The following WDR43 variants were observed in gnomAD, a reference collection of about 807,000 sequenced individuals.
WDR43 encodes the protein WD repeat-containing protein 43.
Under a neutral mutation model 91.4 loss-of-function variants are expected in WDR43, and 13 were observed. That is an observed-to-expected ratio of 0.14 (90% confidence interval 0.09 to 0.23). WDR43 has a LOEUF of 0.23. WDR43 is among the 10% of genes least tolerant of loss of function. The probability of loss-of-function intolerance (pLI) is 1.00; values close to 1 mark genes in which losing one functional copy is unlikely to be tolerated. For missense variants in WDR43, 780 were observed against 809.4 expected (o/e 0.96, Z 0.44); for synonymous variants, 331 against 287.9 (o/e 1.15, Z -1.51).
At chr2:28,909,668 T>C (rs1670752397) in intron 3 of WDR43, among the ~76,000 whole-genome samples, 1 of 151,924 alleles carries the variant, frequency 6.6e-6, no homozygotes, top group South Asian at 2.1e-4. Flanking sequence ...AGCTTAGGAG[T>C]TCGAGACTGT....
chr2:28,935,694 G>T, intron 12 of WDR43, 87 bp downstream of exon 12: 1 of 754,310 alleles, frequency 1.3e-6, no homozygotes. Flanking sequence ...TTTGTAATAC[G>T]TAAGGACACA....
intron 3 of WDR43, among the ~76,000 whole-genome samples, chr2:28,908,103 T>C (rs1384265023): frequency 6.6e-6 from 1 of 152,156 alleles, no homozygotes. Flanking sequence ...ATCGCAATCA[T>C]TGAGTTGGGA....
Position 28,902,003 on chromosome 2 carries a change from A to G in WDR43, c.242A>G (p.Lys81Arg), listed in dbSNP as rs756930489. The G allele has an allele frequency of 6.3e-7, 1 of 1,592,894 alleles. No individual in the cohort carries two copies. Among genetic ancestry groups the G allele is most frequent in the Non-Finnish European group, 8.5e-7 (1 of 1,175,008 alleles). The change falls in exon 2 of 18, where the codon AAA (lysine) becomes AGA (arginine). Residue 81 changes from lysine to arginine, a missense_variant. This residue lies in a region of WDR43 where 175 missense variants were observed against 113.8 expected (regional missense o/e 1.54). Transcript: ENST00000407426. The part of the protein sequence containing the change: ...RLQAKESPQR[K>R]KRKSEAVGMS... ...TTTTTCCAGGAAAGTCCCCAGAGGA[A>G]AAAAAGGAAATCAGAAGCTGTAGGA... is the stretch of plus-strand genomic sequence containing the variant.
chr2:28,894,768 C>G lies in WDR43; in HGVS notation c.70C>G (p.His24Asp). 2 of 1,604,948 alleles carry G rather than the reference C, an allele frequency of 1.2e-6. No homozygotes were observed. Among genetic ancestry groups the G allele is most frequent in the Non-Finnish European group, 8.5e-7 (1 of 1,176,132 alleles). ...PAGVPCAFSPHSQAYFALAST... is the reference protein window; with the variant it reads ...PAGVPCAFSPDSQAYFALAST... ...TGGGGTCCCTTGCGCCTTCTCCCCG[C>G]ACAGCCAGGCCTACTTCGCTTTGGC... Residue 24 changes from histidine to aspartate, a missense_variant, in exon 1 of 18, where the codon CAC becomes GAC. Physicochemically the swap from His to Asp is moderately conservative, Grantham distance 81. Coordinates refer to ENST00000407426, the MANE Select transcript of WDR43 (RefSeq NM_015131.3).
chr2:28,894,799 C>T lies in WDR43; in HGVS notation c.101C>T (p.Thr34Ile), dbSNP rs1670440725. The change falls in exon 1 of 18, where the codon ACC becomes ATC. Residue 34 changes from threonine to isoleucine, a missense_variant. Thr to Ile is a moderately conservative substitution (Grantham distance 89). Around this residue, in one of 4 missense-constraint regions of WDR43, gnomAD observed 175 missense variants for 113.8 expected, o/e 1.54. Transcript: ENST00000407426. ...CAGGCCTACTTCGCTTTGGCCTCTACCGACGGTCACTTACGAGTATGGGAG... is the reference window on the plus strand; with the variant it reads ...CAGGCCTACTTCGCTTTGGCCTCTATCGACGGTCACTTACGAGTATGGGAG... ...HSQAYFALAS[T>I]DGHLRVWETA... The T allele has an allele frequency of 1.9e-6, 3 of 1,610,368 alleles. No individual in the cohort carries two copies. Among genetic ancestry groups the T allele is most frequent in the Middle Eastern group, 1.7e-4 (1 of 6,058 alleles).
intron 12 of WDR43, among the ~76,000 whole-genome samples, chr2:28,936,402 ACT>A (rs1558382698): frequency 2.0e-5 from 3 of 152,028 alleles, no homozygotes; most frequent in African/African-American, 7.3e-5. Context: ...GTAAGGGAAA[ACT>A]CTGTACTTAA....
chr2:28,920,587 A>C (rs1671005341), intron 6 of WDR43, among the ~76,000 whole-genome samples: 2 of 152,172 alleles, frequency 1.3e-5, no homozygotes, highest in Non-Finnish European at 2.9e-5. Flanking sequence ...CTTTAAGTCT[A>C]AATACAAGTA....
rs757582289 is a variant in WDR43 at position 28,928,676 on chromosome 2, TTTTG to T, written c.1306-887_1306-884del. Among the ~76,000 whole-genome samples the T allele has an allele frequency of 6.6e-5, 10 of 152,168 alleles. No individual in the cohort carries two copies. In the East Asian group the frequency reaches 1.2e-3, roughly 18 times the overall value. ...TACAATTGAGGGTGTTTGTTGTTGT[TTTTG>T]TTTGTTTGTTTGTTTTTTGGAGATA... On this transcript the variant is annotated intron_variant, in intron 10 of 17. Coordinates refer to ENST00000407426, the MANE Select transcript of WDR43 (RefSeq NM_015131.3).
At chr2:28,907,039 G>A (rs1670694213) in intron 3 of WDR43, among the ~76,000 whole-genome samples, 1 of 152,172 alleles carries the variant, frequency 6.6e-6, no homozygotes. Context: ...CATACTAGGG[G>A]ATAATGGATG....
chr2:28,914,323 C>G, intron 5 of WDR43, 115 bp downstream of exon 5: 1 of 1,262,064 alleles, frequency 7.9e-7, no homozygotes, highest in Non-Finnish European at 1.0e-6. Context: ...GTTGGATTTA[C>G]ATTGAGTCAT....
At chr2:28,900,823 TA>T (rs67234759) in intron 1 of WDR43, among the ~76,000 whole-genome samples, 61,795 of 151,870 alleles carry the variant, frequency 0.41, 13,308 homozygotes, top group Middle Eastern at 0.53. Flanking sequence ...AGATGTGTAT[TA>T]TTTTTTTCTG....
chr2:28,923,019 CT>C (rs756831663), intron 7 of WDR43, 36 bp downstream of exon 7: 4 of 1,561,622 alleles, frequency 2.6e-6, no homozygotes, highest in Non-Finnish European at 2.6e-6. Flanking sequence ...AAATTTGTTT[CT>C]TTCCCTGACT....
At chr2:28,909,170 C>G (rs1402697381) in intron 3 of WDR43, among the ~76,000 whole-genome samples, 1 of 151,900 alleles carries the variant, frequency 6.6e-6, no homozygotes, top group Non-Finnish European at 1.5e-5. Flanking sequence ...TGGAGTTTCG[C>G]TCTTGTTGCC....
At position 28,936,913 on chromosome 2, in the gene WDR43, C is replaced by G; in HGVS notation, c.1525-9C>G. 1 of 1,568,502 alleles carries G rather than the reference C, an allele frequency of 6.4e-7. No homozygotes were observed. The highest frequency in any genetic ancestry group is 8.7e-7 in the Non-Finnish European group (1 of 1,155,044). On this transcript the variant is annotated splice_polypyrimidine_tract_variant and intron_variant, in intron 12 of 17. Transcript: ENST00000407426. ...GTGCTGTTGTTAATAGTGTTTTTCT[C>G]TCCCTTAGCTTACAAAGAGGTTACA...
chr2:28,914,096 T>G lies in WDR43; in HGVS notation c.634T>G (p.Ser212Ala). ...TTTCACAGGACATGCAACGCCAGTT[T>G]CGTCACTGATGTTCACTACCATCAG... is the stretch of plus-strand genomic sequence containing the variant. ...RHFTGHATPV[S>A]SLMFTTIRPP... Residue 212 changes from serine (S) to alanine (A), a missense_variant, in exon 5 of 18, where the codon TCG (serine) becomes GCG (alanine). Physicochemically the swap from Ser to Ala is moderately conservative, Grantham distance 99. This residue lies in a region of WDR43 where 174 missense variants were observed against 207.3 expected (regional missense o/e 0.84). Coordinates refer to ENST00000407426, the MANE Select transcript of WDR43 (RefSeq NM_015131.3). 1 of 1,613,920 alleles carries G rather than the reference T, an allele frequency of 6.2e-7. No individual in the cohort carries two copies. The highest frequency in any genetic ancestry group is 8.5e-7 in the Non-Finnish European group (1 of 1,179,852).
chr2:28,932,426 A>G (rs1323899495), intron 11 of WDR43, among the ~76,000 whole-genome samples: 1 of 152,112 alleles, frequency 6.6e-6, no homozygotes, highest in African/African-American at 2.4e-5. Flanking sequence ...GCCTCCCAGA[A>G]TGCTGGGATT....
chr2:28,894,819 T>C lies in WDR43; in HGVS notation c.121T>C (p.Trp41Arg), dbSNP rs538217914. ...LASTDGHLRVWETANNRLHQE... is the reference protein window; with the variant it reads ...LASTDGHLRVRETANNRLHQE... ...CTCTACCGACGGTCACTTACGAGTATGGGAGACGGCCAACAACCGGCTGCA... is the reference window on the plus strand; with the variant it reads ...CTCTACCGACGGTCACTTACGAGTACGGGAGACGGCCAACAACCGGCTGCA... The change falls in exon 1 of 18, where the codon TGG (tryptophan) becomes CGG (arginine). Residue 41 changes from tryptophan to arginine, a missense_variant. By Grantham distance (101) the Trp-to-Arg change is moderately radical. Coordinates refer to ENST00000407426, the MANE Select transcript of WDR43 (RefSeq NM_015131.3). 1.2e-6 allele frequency: 2 copies of C among 1,611,438 alleles called. No homozygotes were observed. The highest frequency in any genetic ancestry group is 1.7e-5 in the Admixed American group (1 of 59,750).
At chr2:28,895,031 G>T (rs1054449755) in intron 1 of WDR43, 108 bp downstream of exon 1, 46 of 1,172,848 alleles carry the variant, frequency 3.9e-5, no homozygotes, top group Non-Finnish European at 5.0e-5. Flanking sequence ...CAGCGGCCCG[G>T]GCCAGAAGGC....
chr2:28,912,896 C>A (rs1157883948), intron 4 of WDR43, among the ~76,000 whole-genome samples, 186 bp downstream of exon 4: 2 of 150,864 alleles, frequency 1.3e-5, no homozygotes, highest in African/African-American at 4.9e-5. Context: ...CTAGACATGT[C>A]TACTTCAAAC....
Sources: gnomAD v4.1 joint callset for allele counts (sites outside exome capture counted in the v4.1 genomes callset) on GRCh38, gnomAD v4.1.1 for gene constraint, gnomAD v4.1.1 regional missense constraint, MANE v1.5 for transcripts, NCBI Gene and HGNC (gene_info 2026-07-23, HGNC 2026-07-21) for gene names.